CPNE1: variants seen among roughly 807,000 people sequenced by gnomAD.
The protein encoded by CPNE1 is copine 1.
A neutral mutation model predicts 63.2 loss-of-function variants in CPNE1; 58 were observed. The ratio of observed to expected loss-of-function variants is 0.92; its 90% CI spans 0.74 to 1.14. CPNE1 has a LOEUF of 1.14. Ranked by LOEUF, CPNE1 falls within the 50% of genes most tolerant of loss-of-function variation. The pLI is 0.00. For synonymous variants in CPNE1, 237 were observed against 249.0 expected, an observed-to-expected ratio of 0.95 and a Z score of 0.45; for missense variants, 672 against 661.7, an observed-to-expected ratio of 1.02 and a Z score of -0.17.
At chr20:35,663,563 A>G (rs1195873528) in intron 1 of CPNE1, among the ~76,000 whole-genome samples, 1 of 152,158 alleles carries the variant, frequency 6.6e-6, no homozygotes. Context: ...TCTTCAATTT[A>G]TATTAGGTTA....
At chr20:35,652,724 C>T (rs1465580202) in intron 1 of CPNE1, 1 of 1,613,966 alleles carries the variant, frequency 6.2e-7, no homozygotes. Context: ...TCAATAGACA[C>T]AGTAAAGGGC....
chr20:35,657,749 A>G (rs1319598882), intron 1 of CPNE1, among the ~76,000 whole-genome samples: 1 of 152,218 alleles, frequency 6.6e-6, no homozygotes, highest in Non-Finnish European at 1.5e-5. Context: ...AATTGTTTCT[A>G]GCTTCCAAAA....
At chr20:35,656,298 A>ACTC (rs2033893109) in intron 1 of CPNE1, among the ~76,000 whole-genome samples, 1 of 152,038 alleles carries the variant, frequency 6.6e-6, no homozygotes, top group Admixed American at 6.6e-5. Flanking sequence ...GACCTACACA[A>ACTC]CTCCTACAGG....
intron 1 of CPNE1, among the ~76,000 whole-genome samples, chr20:35,659,600 T>TTAA (rs1446870886): frequency 5.3e-5 from 8 of 152,296 alleles, no homozygotes; most frequent in African/African-American, 1.7e-4. Context: ...ATTAACAAAA[T>TTAA]ATTAAGGGAA....
Position 35,649,780 on chromosome 20 carries a change from G to A in CPNE1, c.-1+14980C>T, listed in dbSNP as rs566939212. On this transcript the variant is annotated intron_variant, in intron 1 of 15. Coordinates refer to ENST00000397443, the MANE Select transcript of CPNE1 (RefSeq NM_152925.3). The stretch of plus-strand genomic sequence containing the variant: ...CCAATAAAAAAAAAATCAGAAGGGA[G>A]AGGAAAAAAAATTAAATCTAATGGA... 3.3e-5 allele frequency: 5 copies of A among 151,998 alleles called. No homozygotes were observed. In the East Asian group the frequency reaches 7.7e-4, roughly 23 times the overall value. 9.4% of individuals were successfully genotyped at this position (151,998 alleles called of 1,614,324 possible).
In CPNE1 at chr20:35,632,716, A is replaced by G. The variant is rs2032247043; in HGVS notation, c.130-20T>C. On this transcript the variant is annotated intron_variant, in intron 2 of 15. Coordinates refer to ENST00000397443, the MANE Select transcript of CPNE1 (RefSeq NM_152925.3). The stretch of plus-strand genomic sequence containing the variant: ...GCCAAGCTGTGGGCAGAGGCCAGTA[A>G]GCATCACAGTCACAGCCTCCACCCC... 1 of 899,212 alleles carries G rather than the reference A, an allele frequency of 1.1e-6. No individual in the cohort carries two copies. Among genetic ancestry groups the G allele is most frequent in the African/African-American group, 1.6e-5 (1 of 61,734 alleles). The allele number at this position is 899,212 out of a possible 1,614,324, so 55.7% of individuals were successfully genotyped here. A position where few individuals can be genotyped will look rare whatever the true frequency, so the allele number is the denominator to read the frequency against.
At chr20:35,654,597 C>A (rs950331187) in intron 1 of CPNE1, 1 of 1,614,058 alleles carries the variant, frequency 6.2e-7, no homozygotes, top group African/African-American at 1.3e-5. Context: ...GCGGCATGCC[C>A]GACATGGGTG....
At chr20:35,653,107 G>A in intron 1 of CPNE1, 2 of 1,613,836 alleles carry the variant, frequency 1.2e-6, no homozygotes, top group Non-Finnish European at 1.7e-6. Context: ...TAATCCTGGA[G>A]GAGGGATTGG....
At chr20:35,663,990 T>G (rs1343290284) in intron 1 of CPNE1, among the ~76,000 whole-genome samples, 2 of 152,182 alleles carry the variant, frequency 1.3e-5, no homozygotes, top group Admixed American at 1.3e-4. Context: ...AATGTGCTGC[T>G]CACAGCAGCC....
In CPNE1 at chr20:35,631,548, A is replaced by T. The variant is rs944866832; in HGVS notation, c.658T>A (p.Ser220Thr). 6.2e-7 allele frequency: 1 copy of T among 1,613,792 alleles called. No homozygotes were observed. The highest frequency in any genetic ancestry group is 8.5e-7 in the Non-Finnish European group (1 of 1,179,958). Residue 220 changes from serine (S) to threonine (T), a missense_variant, in exon 8 of 16, where the codon TCA (serine) becomes ACA (threonine). Physicochemically the swap from Ser to Thr is moderately conservative, Grantham distance 58 (BLOSUM62 1). Coordinates refer to ENST00000397443, the MANE Select transcript of CPNE1 (RefSeq NM_152925.3). ...VQCSDYDSDG[S>T]HDLIGTFHTS... ...TGGAAGGTACCGATGAGATCATGTG[A>T]CCCGTCACTGTCATAATCGGAGCAT...
intron 1 of CPNE1, among the ~76,000 whole-genome samples, chr20:35,648,101 G>A (rs891117269): frequency 4.6e-5 from 7 of 151,866 alleles, no homozygotes; most frequent in Admixed American, 3.9e-4. Flanking sequence ...CTGAGCAGGA[G>A]ATGAACTTGC....
Position 35,627,324 on chromosome 20 carries a change from CATGGTTG to C in CPNE1, c.1185_1191del (p.Ile395MetfsTer24). 6.2e-7 allele frequency: 1 copy of C among 1,613,836 alleles called. No homozygotes were observed. The highest frequency in any genetic ancestry group is 8.5e-7 in the Non-Finnish European group (1 of 1,179,934). Reference sequence around the variant, plus strand: ...GCAGCCTGGGCTGCAAACCTGGCCACATGGTTGATGATGGGTGCAAAGTTGGTAGGGC... The same window carrying C: ...GCAGCCTGGGCTGCAAACCTGGCCACATGATGGGTGCAAAGTTGGTAGGGC... On this transcript the variant is annotated frameshift_variant, in exon 14 of 16. Coordinates refer to ENST00000397443, the MANE Select transcript of CPNE1 (RefSeq NM_152925.3). LOFTEE classifies it high-confidence loss of function.
At chr20:35,641,861 G>A (rs2032829461) in intron 1 of CPNE1, among the ~76,000 whole-genome samples, 1 of 152,180 alleles carries the variant, frequency 6.6e-6, no homozygotes, top group Non-Finnish European at 1.5e-5. Context: ...CACATAATGG[G>A]AATTCAAATA....
intron 1 of CPNE1, chr20:35,649,278 C>T (rs1189077770): frequency 1.3e-5 from 2 of 152,306 alleles, no homozygotes; most frequent in Admixed American, 6.5e-5. Flanking sequence ...TGAGATTTTA[C>T]ACTTGGCCCA....
intron 1 of CPNE1, chr20:35,654,486 C>T (rs140930448): frequency 1.3e-5 from 21 of 1,614,038 alleles, no homozygotes; most frequent in East Asian, 1.1e-4. Flanking sequence ...CAGGATTCAA[C>T]GGACCAAGAA....
At chr20:35,654,768 G>C in intron 1 of CPNE1, 1 of 1,613,992 alleles carries the variant, frequency 6.2e-7, no homozygotes, top group South Asian at 1.1e-5. Flanking sequence ...GTGGCGGCGG[G>C]ACTGTGTTCA....
rs559509939 is a variant in CPNE1, at chr20:35,630,308, A to C, written c.1102+131T>G. The stretch of plus-strand genomic sequence containing the variant: ...AGACTCTTTCTCAAAAAATAAATTA[A>C]ACTAAAATTAAATAAAATCCACCCT... On this transcript the variant is annotated intron_variant, in intron 13 of 15. Transcript: ENST00000397443. 2.4e-5 allele frequency: 18 copies of C among 745,518 alleles called. No homozygotes were observed. The South Asian group carries it at 2.8e-4, about 12-fold the overall frequency. 46.2% of individuals were successfully genotyped at this position (745,518 alleles called of 1,614,324 possible). A position where few individuals can be genotyped will look rare whatever the true frequency, so the allele number is the denominator to read the frequency against.
At chr20:35,639,106 A>C (rs1308088125) in intron 1 of CPNE1, among the ~76,000 whole-genome samples, 2 of 151,790 alleles carry the variant, frequency 1.3e-5, no homozygotes, top group Non-Finnish European at 2.9e-5. Flanking sequence ...AAAAAAAACA[A>C]AACCCAACAA....
intron 1 of CPNE1, chr20:35,652,485 C>G: frequency 6.4e-7 from 1 of 1,565,336 alleles, no homozygotes; most frequent in Non-Finnish European, 8.6e-7. Flanking sequence ...TTAATCACAG[C>G]AATATGAAGA....
Sources: allele counts gnomAD v4.1 joint callset (sites outside exome capture counted in the v4.1 genomes callset), GRCh38; gene constraint gnomAD v4.1.1; transcripts MANE v1.5; gene names NCBI Gene and HGNC (gene_info 2026-07-23, HGNC 2026-07-21).